The following FRMD7 variants were observed in gnomAD, a reference collection of about 807,000 sequenced individuals.
The protein encoded by FRMD7 is FERM domain-containing protein 7.
Under a neutral mutation model 44.1 loss-of-function variants are expected in FRMD7, and 14 were observed. The ratio of observed to expected loss-of-function variants is 0.32; its 90% CI spans 0.21 to 0.50. The LOEUF (loss-of-function observed/expected upper bound fraction) is 0.50, where lower values mean the gene tolerates loss of function less well. Among genes scored for constraint, FRMD7 ranks in the 20% least tolerant of loss-of-function variants. The probability of loss-of-function intolerance (pLI) is 0.99; values close to 1 mark genes in which losing one functional copy is unlikely to be tolerated. For missense variants in FRMD7, 501 were observed against 522.3 expected (o/e 0.96, Z 0.40); for synonymous variants, 212 against 187.4 (o/e 1.13, Z -1.07).
intron 4 of FRMD7, 72 bp downstream of exon 4, chrX:132,097,194 C>T (rs1928363036): frequency 5.0e-6 from 4 of 794,329 alleles, no homozygotes; most frequent in Non-Finnish European, 7.8e-6. Context: ...GCCAGAAGCA[C>T]TTGCCCCCAA....
intron 1 of FRMD7, among the ~76,000 whole-genome samples, chrX:132,107,953 T>C (rs1449906625): frequency 9.0e-6 from 1 of 111,382 alleles, no homozygotes; most frequent in Non-Finnish European, 1.9e-5. Flanking sequence ...CAAAGAGGAG[T>C]TCCAAGAATG....
chrX:132,082,670 G>A (rs1927857069), intron 8 of FRMD7, 144 bp from the exon 9 acceptor site: 1 of 519,389 alleles, frequency 1.9e-6, no homozygotes, highest in Non-Finnish European at 3.4e-6. Context: ...CACACCTGCT[G>A]AAACCTAATG....
In FRMD7 at chrX:132,106,765, G is replaced by A. The variant is rs57179322; in HGVS notation, c.58-6049C>T. The stretch of plus-strand genomic sequence containing the variant: ...AGGCCATTATCCTTAGCGAGCTAAA[G>A]CGGGAACAAAAAATCAAATAATGCA... On this transcript the variant is annotated intron_variant, in intron 1 of 11. Coordinates refer to ENST00000298542, the MANE Select transcript of FRMD7 (RefSeq NM_194277.3). 6.4e-3 allele frequency among the ~76,000 whole-genome samples: 719 copies of A among 112,147 alleles called. 6 individuals are homozygous for A. Among genetic ancestry groups the A allele is most frequent in the African/African-American group, 0.022 (667 of 30,867 alleles).
chrX:132,098,472 G>A (rs140593609), intron 3 of FRMD7, among the ~76,000 whole-genome samples: 185 of 112,326 alleles, frequency 1.6e-3, no homozygotes, highest in African/African-American at 5.9e-3. Flanking sequence ...ATGTGATCAG[G>A]TTGGTGTTTT....
intron 1 of FRMD7, among the ~76,000 whole-genome samples, chrX:132,122,019 A>G (rs1449729766): frequency 2.7e-5 from 3 of 111,770 alleles, no homozygotes; most frequent in African/African-American, 9.7e-5. Flanking sequence ...AAGCGCAGAA[A>G]TGGGGGAGCA....
intron 8 of FRMD7, among the ~76,000 whole-genome samples, chrX:132,082,754 T>C (rs1397013969): frequency 8.9e-6 from 1 of 111,833 alleles, no homozygotes; most frequent in Non-Finnish European, 1.9e-5. Flanking sequence ...AAATATTGCT[T>C]TGCACACTCC....
chrX:132,113,389 G>A, intron 1 of FRMD7, among the ~76,000 whole-genome samples: 1 of 111,487 alleles, frequency 9.0e-6, no homozygotes, highest in African/African-American at 3.3e-5. Context: ...TACAAGTGGG[G>A]AGATTTAGAT....
chrX:132,114,280 C>A (rs1355119019), intron 1 of FRMD7, among the ~76,000 whole-genome samples: 1 of 111,416 alleles, frequency 9.0e-6, no homozygotes, highest in Non-Finnish European at 1.9e-5. Flanking sequence ...TACTAAGAGG[C>A]CATGAAAGCC....
intron 5 of FRMD7, among the ~76,000 whole-genome samples, chrX:132,086,466 T>C (rs938492968): frequency 9.0e-6 from 1 of 111,251 alleles, no homozygotes; most frequent in Non-Finnish European, 1.9e-5. Context: ...TATTTGGAGA[T>C]AGAGCTTTTA....
chrX:132,114,521 T>C (rs1164928573), intron 1 of FRMD7, among the ~76,000 whole-genome samples: 1 of 112,153 alleles, frequency 8.9e-6, no homozygotes, highest in Non-Finnish European at 1.9e-5. Flanking sequence ...AATTTTCTCA[T>C]CTATTTATAA....
chrX:132,099,571 T>G, intron 2 of FRMD7, 61 bp from the exon 3 acceptor site: 1 of 791,765 alleles, frequency 1.3e-6, no homozygotes, highest in Non-Finnish European at 1.9e-6. Flanking sequence ...TTTTTTTTTT[T>G]CGGTAATAGA....
Position 132,096,358 on chromosome X carries a change from A to G in FRMD7, c.284+908T>C, listed in dbSNP as rs374737541. 7.2e-5 allele frequency among the ~76,000 whole-genome samples: 8 copies of G among 110,642 alleles called. No homozygotes were observed. In the East Asian group the frequency reaches 1.7e-3, roughly 24 times the overall value. On this transcript the variant is annotated intron_variant, in intron 4 of 11. Coordinates refer to ENST00000298542, the MANE Select transcript of FRMD7 (RefSeq NM_194277.3). ...ACAGTCATTTTAGCTCCCATGACCT[A>G]TCTCTTCCTCTGTAAACTAAGAGGG...
Position 132,082,479 on chromosome X carries a change from G to A in FRMD7, c.789C>T (p.Ala263=). 1.7e-6 allele frequency: 2 copies of A among 1,209,992 alleles called. No individual in the cohort carries two copies. The highest frequency in any genetic ancestry group is 2.2e-6 in the Non-Finnish European group (2 of 893,611). Residue 263 remains alanine (A), a synonymous_variant, in exon 9 of 12, where the codon GCC becomes GCT. Coordinates refer to ENST00000298542, the MANE Select transcript of FRMD7 (RefSeq NM_194277.3). The part of the protein sequence containing the change: ...TLEFTMASRD[A]CKAFWKTCVE... ...CACAAGTCTTCCAGAAAGCCTTGCAGGCATCTCGGCTGGCCATGGTGAACT... is the reference window on the plus strand; with the variant it reads ...CACAAGTCTTCCAGAAAGCCTTGCAAGCATCTCGGCTGGCCATGGTGAACT...
chrX:132,111,721 G>C (rs1329210756), intron 1 of FRMD7, among the ~76,000 whole-genome samples: 1 of 112,130 alleles, frequency 8.9e-6, no homozygotes, highest in African/African-American at 3.2e-5. Flanking sequence ...GATTGGACTT[G>C]TGTTAATTAG....
At position 132,077,640 on chromosome X, in the gene FRMD7, A is replaced by G. The variant is rs769890386; in HGVS notation, c.*232T>C. 4.4e-5 allele frequency: 19 copies of G among 428,793 alleles called. No homozygotes were observed. In the African/African-American group the frequency reaches 4.5e-4, roughly 10 times the overall value. 35.3% of individuals were successfully genotyped at this position (428,793 alleles called of 1,213,427 possible). A position where few individuals can be genotyped will look rare whatever the true frequency, so the allele number is the denominator to read the frequency against. ...TGACAAATACCCACCTTGCCTTGCC[A>G]CAGTGCTGGTGAGGAGAGGGCATGT... is the stretch of plus-strand genomic sequence containing the variant. On this transcript the variant is annotated 3_prime_UTR_variant, in exon 12 of 12. Coordinates refer to ENST00000298542, the MANE Select transcript of FRMD7 (RefSeq NM_194277.3).
At chrX:132,097,629 G>C (rs1252633379) in intron 3 of FRMD7, among the ~76,000 whole-genome samples, 1 of 111,144 alleles carries the variant, frequency 9.0e-6, no homozygotes, top group African/African-American at 3.3e-5. Flanking sequence ...CCCCTTTGAG[G>C]CCTACTGTGT....
chrX:132,121,186 A>T (rs1439227391), intron 1 of FRMD7, among the ~76,000 whole-genome samples: 1 of 111,549 alleles, frequency 9.0e-6, no homozygotes. Flanking sequence ...AGGAAGTTTC[A>T]CTGCATATAC....
chrX:132,094,258 C>T, intron 4 of FRMD7, 119 bp from the exon 5 acceptor site: 1 of 523,287 alleles, frequency 1.9e-6, no homozygotes. Context: ...CAGTCAGATG[C>T]CTTTTTGGGG....
chrX:132,083,373 G>T (rs192952670), intron 8 of FRMD7, among the ~76,000 whole-genome samples: 1 of 111,269 alleles, frequency 9.0e-6, no homozygotes, highest in Non-Finnish European at 1.9e-5. Flanking sequence ...CCTAAAGTTC[G>T]AGTTTTCCCC....
Sources: gnomAD v4.1 joint callset for allele counts (sites outside exome capture counted in the v4.1 genomes callset) on GRCh38, gnomAD v4.1.1 for gene constraint, MANE v1.5 for transcripts, NCBI Gene and HGNC (gene_info 2026-07-23, HGNC 2026-07-21) for gene names.